Variants in PHF20 observed in about 807,000 individuals in gnomAD.
PHF20 encodes PHD finger protein 20.
PHF20 carries 23 observed loss-of-function variants against 113.5 expected under a neutral mutation model. That is an observed-to-expected ratio of 0.20 (90% confidence interval 0.15 to 0.29). The LOEUF is 0.29. Among genes scored for constraint, PHF20 ranks in the 10% least tolerant of loss-of-function variants. PHF20 has a pLI of 1.00. For missense variants in PHF20, 943 were observed against 1,219.6 expected (o/e 0.77, Z 3.38); for synonymous variants, 434 against 457.3 (o/e 0.95, Z 0.65).
intron 2 of PHF20, among the ~76,000 whole-genome samples, chr20:35,819,186 C>T (rs1272644724): frequency 3.3e-5 from 5 of 152,148 alleles, no homozygotes; most frequent in Non-Finnish European, 5.9e-5. Context: ...CCGCCTCAGC[C>T]TCCCAAAGTG....
chr20:35,836,316 C>G (rs1349774889), intron 2 of PHF20, among the ~76,000 whole-genome samples: 1 of 152,076 alleles, frequency 6.6e-6, no homozygotes, highest in Non-Finnish European at 1.5e-5. Context: ...CTATGCCCAG[C>G]CAATATTCTT....
chr20:35,914,805 T>G (rs1019149140), intron 12 of PHF20, among the ~76,000 whole-genome samples: 1 of 151,234 alleles, frequency 6.6e-6, no homozygotes, highest in Non-Finnish European at 1.5e-5. Flanking sequence ...TCTGCAAAAA[T>G]ACAAAAACTT....
At chr20:35,786,308 T>C (rs2041413708) in intron 1 of PHF20, among the ~76,000 whole-genome samples, 1 of 152,100 alleles carries the variant, frequency 6.6e-6, no homozygotes, top group South Asian at 2.1e-4. Flanking sequence ...GGAGAATCGC[T>C]TGAACTAGAG....
chr20:35,903,430 A>G (rs1444161885), intron 10 of PHF20, among the ~76,000 whole-genome samples: 1 of 152,044 alleles, frequency 6.6e-6, no homozygotes, highest in Non-Finnish European at 1.5e-5. Flanking sequence ...TAGCAGCAGA[A>G]TGTGCCACAC....
chr20:35,850,980 GAC>G (rs1276936143), intron 4 of PHF20: 5 of 436,818 alleles, frequency 1.1e-5, no homozygotes, highest in Non-Finnish European at 2.2e-5. Flanking sequence ...TTGTAGGAGA[GAC>G]AGAGTTTCAC....
chr20:35,927,678 T>C, intron 13 of PHF20, 102 bp from the exon 14 acceptor site: 1 of 863,784 alleles, frequency 1.2e-6, no homozygotes, highest in South Asian at 1.4e-5. Flanking sequence ...TCCTCCCCTC[T>C]CCTTCTATCC....
chr20:35,829,100 A>G (rs2042313050), intron 2 of PHF20, among the ~76,000 whole-genome samples: 1 of 152,090 alleles, frequency 6.6e-6, no homozygotes, highest in African/African-American at 2.4e-5. Flanking sequence ...GTTCCTTGTC[A>G]TGTGAACCTC....
chr20:35,940,760 T>C, intron 16 of PHF20, 104 bp from the exon 17 acceptor site: 1 of 953,940 alleles, frequency 1.0e-6, no homozygotes, highest in Non-Finnish European at 1.6e-6. Context: ...ATTTGGAGTA[T>C]TGAAACTGCA....
At chr20:35,857,745 G>A (rs926339753) in intron 4 of PHF20, among the ~76,000 whole-genome samples, 10 of 151,316 alleles carry the variant, frequency 6.6e-5, no homozygotes, top group African/African-American at 1.5e-4. Flanking sequence ...GCCACCAAGC[G>A]CGGCTAATTT....
intron 9 of PHF20, among the ~76,000 whole-genome samples, chr20:35,885,467 CTTTTTTTTTTTTTTTTTTTTTTTT>C (rs577878410): frequency 2.8e-5 from 1 of 35,724 alleles, no homozygotes; most frequent in Non-Finnish European, 5.4e-5. Context: ...GGGGAATAAG[CTTTTTTTTTTTTTTTTTTTTTTTT>C]TTTTTTTTTA....
At chr20:35,794,214 C>G (rs113214105) in intron 1 of PHF20, among the ~76,000 whole-genome samples, 177 of 149,972 alleles carry the variant, frequency 1.2e-3, no homozygotes, top group African/African-American at 4.2e-3. Flanking sequence ...GCAGGAGAAT[C>G]TCTTGAACCT....
At chr20:35,789,938 T>G (rs1008745332) in intron 1 of PHF20, among the ~76,000 whole-genome samples, 5 of 141,114 alleles carry the variant, frequency 3.5e-5, no homozygotes, top group Non-Finnish European at 7.5e-5. Context: ...CACTGCAACC[T>G]CCGCCTCCCG....
intron 1 of PHF20, among the ~76,000 whole-genome samples, chr20:35,800,608 T>C (rs1183417475): frequency 6.6e-6 from 1 of 152,046 alleles, no homozygotes; most frequent in Non-Finnish European, 1.5e-5. Flanking sequence ...CAATCTCTAC[T>C]CAAAATACAA....
At chr20:35,849,853 C>G (rs2042687962) in intron 4 of PHF20, among the ~76,000 whole-genome samples, 1 of 152,112 alleles carries the variant, frequency 6.6e-6, no homozygotes, top group African/African-American at 2.4e-5. Context: ...GTAGATTTAT[C>G]TTTAGAAGGC....
chr20:35,893,444 C>T (rs1433330425), intron 9 of PHF20, among the ~76,000 whole-genome samples: 1 of 152,050 alleles, frequency 6.6e-6, no homozygotes, highest in Non-Finnish European at 1.5e-5. Flanking sequence ...GCTGGGATTA[C>T]AGGCACACGC....
chr20:35,928,363 C>G (rs112615125), intron 14 of PHF20, among the ~76,000 whole-genome samples: 14,604 of 148,690 alleles, frequency 0.098, 772 homozygotes, highest in Middle Eastern at 0.16. Context: ...CACTTGAACC[C>G]AGGTGGCGGA....
rs761545039 is a variant in PHF20 at position 35,801,615 on chromosome 20, C to G, written c.83+10C>G. 16 of 1,591,644 alleles carry G rather than the reference C, an allele frequency of 1.0e-5. No homozygotes were observed. Among genetic ancestry groups the G allele is most frequent in the Admixed American group, 1.7e-5 (1 of 59,602 alleles). On this transcript the variant is annotated intron_variant, in intron 2 of 17. Coordinates refer to ENST00000374012, the MANE Select transcript of PHF20 (RefSeq NM_016436.5). ...ACCGTTTAAAAAACTGGTACTTTTA[C>G]ATTTTTCTGTTAATTAAAGCCCTTC... is the stretch of plus-strand genomic sequence containing the variant.
intron 10 of PHF20, among the ~76,000 whole-genome samples, chr20:35,903,132 G>A (rs2055136353): frequency 8.4e-6 from 1 of 119,638 alleles, no homozygotes; most frequent in Middle Eastern, 5.6e-3. Flanking sequence ...CTCCCTCTTG[G>A]GTCTCATGCA....
At chr20:35,773,929 G>GC (rs1419537627) in intron 1 of PHF20, among the ~76,000 whole-genome samples, 1 of 151,972 alleles carries the variant, frequency 6.6e-6, no homozygotes, top group Non-Finnish European at 1.5e-5. Flanking sequence ...ACTGCTTCTA[G>GC]CCCATAAACT....
Sources: allele counts gnomAD v4.1 joint callset (sites outside exome capture counted in the v4.1 genomes callset), GRCh38; gene constraint gnomAD v4.1.1; transcripts MANE v1.5; gene names NCBI Gene and HGNC (gene_info 2026-07-23, HGNC 2026-07-21).